FHAD1: variants seen among roughly 807,000 people sequenced by gnomAD.
The protein encoded by FHAD1 is forkhead associated phosphopeptide binding domain 1, also known as forkhead-associated domain-containing protein 1.
In FHAD1, 146 loss-of-function variants were observed where a neutral mutation model predicts 191.3. The ratio of observed to expected loss-of-function variants is 0.76; its 90% CI spans 0.67 to 0.88. The LOEUF (loss-of-function observed/expected upper bound fraction) is 0.88. Among genes scored for constraint, FHAD1 ranks in the 40% least tolerant of loss-of-function variants. The pLI is 0.00. For missense variants in FHAD1, 1,635 were observed against 1,785.8 expected, an observed-to-expected ratio of 0.92 and a Z score of 1.52; for synonymous variants, 616 against 672.3, an observed-to-expected ratio of 0.92 and a Z score of 1.29.
At chr1:15,295,625 C>G (rs1431897045) in intron 4 of FHAD1, among the ~76,000 whole-genome samples, 2 of 150,920 alleles carry the variant, frequency 1.3e-5, no homozygotes, top group African/African-American at 5.0e-5. Flanking sequence ...GTGTGTCTCT[C>G]TCTCTAAACA....
At chr1:15,342,096 G>A (rs1210729023) in intron 16 of FHAD1, among the ~76,000 whole-genome samples, 1 of 152,202 alleles carries the variant, frequency 6.6e-6, no homozygotes, top group Non-Finnish European at 1.5e-5. Context: ...AACTTGAAAA[G>A]GCAGCATGAT....
intron 8 of FHAD1, 140 bp downstream of exon 8, chr1:15,313,327 C>CGGGG: frequency 1.6e-4 from 1 of 6,264 alleles, no homozygotes; most frequent in South Asian, 3.5e-3. Context: ...GTGCTGGGGG[C>CGGGG]GGGGTGGTGG....
At chr1:15,369,244 G>A in intron 25 of FHAD1, 126 bp from the exon 26 acceptor site, 2 of 1,168,946 alleles carry the variant, frequency 1.7e-6, no homozygotes, top group South Asian at 3.3e-5. Flanking sequence ...TATGGGAACA[G>A]GAAACAAGTC....
chr1:15,338,152 G>A (rs1017218636), intron 14 of FHAD1, among the ~76,000 whole-genome samples: 22 of 148,130 alleles, frequency 1.5e-4, no homozygotes, highest in South Asian at 4.5e-4. Flanking sequence ...CCCACATCCC[G>A]GTGTGAAACT....
chr1:15,393,769 CT>C (rs547494796), intron 33 of FHAD1, among the ~76,000 whole-genome samples: 467 of 143,758 alleles, frequency 3.2e-3, no homozygotes, highest in Middle Eastern at 7.1e-3. Context: ...CCCCTGGCCT[CT>C]TTTTTTTTTT....
intron 3 of FHAD1, among the ~76,000 whole-genome samples, chr1:15,274,952 A>G (rs905253859): frequency 2.0e-5 from 3 of 152,138 alleles, no homozygotes; most frequent in African/African-American, 7.2e-5. Context: ...CTGGTTTTCA[A>G]AGACAACAAA....
intron 3 of FHAD1, among the ~76,000 whole-genome samples, chr1:15,286,603 A>C (rs985647655): frequency 6.6e-6 from 1 of 152,210 alleles, no homozygotes; most frequent in African/African-American, 2.4e-5. Context: ...CTGTGGCTAG[A>C]GATTCTGGTG....
rs1381107462 is a variant in FHAD1, at chr1:15,383,764, G to A, written c.4188+1571G>A. 2.1e-5 allele frequency: 7 copies of A among 331,892 alleles called. No homozygotes were observed. The Admixed American group carries it at 2.5e-4, about 12-fold the overall frequency. 20.6% of individuals were successfully genotyped at this position (331,892 alleles called of 1,614,324 possible). ...TGCAGCCGTGATAGGGCTTATTAAT[G>A]CCTCTAATAGCCCTGCCTGGTACGA... is the stretch of plus-strand genomic sequence containing the variant. On this transcript the variant is annotated intron_variant, in intron 31 of 33. Transcript: ENST00000688493.
intron 2 of FHAD1, among the ~76,000 whole-genome samples, chr1:15,267,949 AAAT>A (rs1478329250): frequency 1.5e-5 from 2 of 137,148 alleles, no homozygotes; most frequent in East Asian, 2.0e-4. Flanking sequence ...GGAATATAAA[AAAT>A]ATATATATAT....
chr1:15,254,955 A>T (rs1647299115), intron 2 of FHAD1, among the ~76,000 whole-genome samples: 1 of 152,204 alleles, frequency 6.6e-6, no homozygotes, highest in Non-Finnish European at 1.5e-5. Flanking sequence ...AGACAAGATA[A>T]GGTGAAAATT....
At chr1:15,305,123 G>A (rs891226680) in intron 6 of FHAD1, among the ~76,000 whole-genome samples, 5 of 152,204 alleles carry the variant, frequency 3.3e-5, no homozygotes, top group Non-Finnish European at 7.3e-5. Context: ...TACCTTCCTG[G>A]AGACAGGCAA....
intron 6 of FHAD1, 126 bp from the exon 7 acceptor site, chr1:15,308,487 A>C: frequency 2.3e-6 from 3 of 1,322,334 alleles, no homozygotes; most frequent in Non-Finnish European, 3.1e-6. Flanking sequence ...AAAACTAAAA[A>C]GCTTGGTTTC....
chr1:15,302,861 T>C (rs1669268607), intron 6 of FHAD1, among the ~76,000 whole-genome samples: 1 of 152,242 alleles, frequency 6.6e-6, no homozygotes, highest in African/African-American at 2.4e-5. Flanking sequence ...GCCGATTCAC[T>C]GCTTTTGGCC....
chr1:15,312,818 C>T lies in FHAD1; in HGVS notation c.1040-239C>T, dbSNP rs1477750289. ...TGTTCCCAGGCAGGGCCGATGCCCA[C>T]AGCACCCCGACAGATGTTTCCTGTC... is the stretch of plus-strand genomic sequence containing the variant. On this transcript the variant is annotated intron_variant, in intron 7 of 33. Transcript: ENST00000688493. The surrounding 1 kb of genome is among the most constrained non-coding windows in gnomAD (Gnocchi z 4.7). 6.6e-6 allele frequency among the ~76,000 whole-genome samples: 1 copy of T among 152,192 alleles called. No individual in the cohort carries two copies. The highest frequency in any genetic ancestry group is 1.9e-4 in the East Asian group (1 of 5,202).
At chr1:15,313,953 A>G (rs493919) in intron 8 of FHAD1, among the ~76,000 whole-genome samples, 118,986 of 151,696 alleles carry the variant, frequency 0.78, 46,953 homozygotes, top group African/African-American at 0.86. Flanking sequence ...CCAGCTACTC[A>G]GGAGGCTGAG....
At chr1:15,339,634 T>C in intron 15 of FHAD1, 83 bp downstream of exon 15, 1 of 548,080 alleles carries the variant, frequency 1.8e-6, no homozygotes, top group Non-Finnish European at 2.9e-6. Flanking sequence ...TTGAAACCTG[T>C]TTTTTCTTTA....
At chr1:15,357,702 G>A (rs2102591467) in intron 20 of FHAD1, 1 of 156,696 alleles carries the variant, frequency 6.4e-6, no homozygotes, top group South Asian at 2.0e-4. Context: ...GGCCGCTGGA[G>A]CCCTGGAGGA....
At chr1:15,302,377 T>C (rs1669079699) in intron 6 of FHAD1, among the ~76,000 whole-genome samples, 1 of 152,222 alleles carries the variant, frequency 6.6e-6, no homozygotes, top group African/African-American at 2.4e-5. Flanking sequence ...AATTTACCAG[T>C]CATGTACGTT....
At position 15,317,809 on chromosome 1, in the gene FHAD1, T is replaced by A. The variant is rs1032243395; in HGVS notation, c.1261-15T>A. ...CCCCCATCAGGGAGGTTCACTCTTGTTGAAACTTTTTCAGCAAATCCAAGA... is the reference window on the plus strand; with the variant it reads ...CCCCCATCAGGGAGGTTCACTCTTGATGAAACTTTTTCAGCAAATCCAAGA... On this transcript the variant is annotated splice_polypyrimidine_tract_variant and intron_variant, in intron 9 of 33. Transcript: ENST00000688493. 1 of 1,545,714 alleles carries A rather than the reference T, an allele frequency of 6.5e-7. No individual in the cohort carries two copies. The highest frequency in any genetic ancestry group is 8.8e-7 in the Non-Finnish European group (1 of 1,141,628).
Sources: allele counts gnomAD v4.1 joint callset (sites outside exome capture counted in the v4.1 genomes callset), GRCh38; gene constraint gnomAD v4.1.1; non-coding constraint Gnocchi (gnomAD v3.1); transcripts MANE v1.5; gene names NCBI Gene and HGNC (gene_info 2026-07-23, HGNC 2026-07-21).